The following CEMIP variants were observed in gnomAD, a reference collection of about 807,000 sequenced individuals.
CEMIP encodes the protein cell migration-inducing and hyaluronan-binding protein.
CEMIP carries 105 observed loss-of-function variants against 156.9 expected under a neutral mutation model. The ratio of observed to expected loss-of-function variants is 0.67; its 90% CI spans 0.57 to 0.79. The LOEUF (loss-of-function observed/expected upper bound fraction) is 0.79. CEMIP is among the 30% of genes least tolerant of loss of function. The pLI is 0.00. For synonymous variants in CEMIP, 676 were observed against 668.4 expected (o/e 1.01, Z -0.17); for missense variants, 1,457 against 1,769.4 (o/e 0.82, Z 3.17).
At chr15:80,881,500 G>A (rs1898657743) in intron 6 of CEMIP, among the ~76,000 whole-genome samples, 1 of 152,108 alleles carries the variant, frequency 6.6e-6, no homozygotes, top group African/African-American at 2.4e-5. Flanking sequence ...GAAGGGTGAG[G>A]ATATGTCAGG....
chr15:80,812,251 A>G (rs1398069012), intron 1 of CEMIP, among the ~76,000 whole-genome samples: 1 of 152,198 alleles, frequency 6.6e-6, no homozygotes, highest in African/African-American at 2.4e-5. Context: ...CTGCAATGTT[A>G]TAATTACCTG....
intron 1 of CEMIP, among the ~76,000 whole-genome samples, chr15:80,785,442 C>T (rs1895908452): frequency 6.6e-6 from 1 of 152,208 alleles, no homozygotes; most frequent in Non-Finnish European, 1.5e-5. Flanking sequence ...CACCCACCGC[C>T]ACAATCGGAA....
Position 80,859,119 on chromosome 15 carries a change from C to T in CEMIP, c.-175-14419C>T, listed in dbSNP as rs373594774. On this transcript the variant is annotated intron_variant, in intron 1 of 29. Coordinates refer to ENST00000394685, the MANE Select transcript of CEMIP (RefSeq NM_001293298.2). ...TTGGGTCAACTGAACATCCCTGCAC[C>T]AATCACAGCAGCCAGGGGAATGGAT... is the stretch of plus-strand genomic sequence containing the variant. Among the ~76,000 whole-genome samples, 4 of 152,334 alleles carry T rather than the reference C, an allele frequency of 2.6e-5. No homozygotes were observed. The East Asian group carries it at 7.7e-4, about 29-fold the overall frequency.
In CEMIP at chr15:80,929,122, ATCTGGGGC is replaced by A; in HGVS notation, c.2561_2568del (p.Ile854ThrfsTer7). The A allele has an allele frequency of 6.2e-7, 1 of 1,614,168 alleles. No homozygotes were observed. Among genetic ancestry groups the A allele is most frequent in the Non-Finnish European group, 8.5e-7 (1 of 1,180,024 alleles). ...GGGGACGGAAATGATGGACAATAGG[ATCTGGGGC>A]CCTGGCGGCTTGGACCATAGCGGAA... On this transcript the variant is annotated frameshift_variant, in exon 21 of 30. Transcript: ENST00000394685. LOFTEE classifies it high-confidence loss of function.
chr15:80,900,938 G>A (rs1020916356), intron 12 of CEMIP: 5 of 455,664 alleles, frequency 1.1e-5, no homozygotes, highest in Non-Finnish European at 2.2e-5. Flanking sequence ...CATTCTACAG[G>A]ACTGTTTGCA....
At chr15:80,877,452 C>A (rs988443329) in intron 3 of CEMIP, among the ~76,000 whole-genome samples, 10 of 152,206 alleles carry the variant, frequency 6.6e-5, no homozygotes, top group Non-Finnish European at 1.5e-4. Context: ...CCTCCTCACC[C>A]CCAACCCGGG....
At position 80,947,043 on chromosome 15, in the gene CEMIP, A is replaced by G. The variant is rs142881133; in HGVS notation, c.3936A>G (p.Ala1312=). ...PWTRVLEKLG[A]DRGLKLKEQM... ...CCAGAGTGCTGGAAAAGCTTGGGGC[A>G]GACAGGGGTCTCAAGTTGAAAGGTA... Residue 1312 remains alanine (A), a synonymous_variant, in exon 29 of 30, where the codon GCA becomes GCG. Coordinates refer to ENST00000394685, the MANE Select transcript of CEMIP (RefSeq NM_001293298.2). 2.5e-6 allele frequency: 4 copies of G among 1,613,612 alleles called. No homozygotes were observed. The African/African-American group carries it at 5.3e-5, about 22-fold the overall frequency.
intron 1 of CEMIP, among the ~76,000 whole-genome samples, chr15:80,835,536 T>A (rs1438855632): frequency 2.0e-5 from 3 of 152,264 alleles, no homozygotes; most frequent in African/African-American, 7.2e-5. Flanking sequence ...TCTGCTTTTC[T>A]GGCTCAAAGA....
intron 1 of CEMIP, among the ~76,000 whole-genome samples, chr15:80,786,556 C>CTGTGTGTGTGTGTGTGTGTGTG: frequency 7.1e-6 from 1 of 140,720 alleles, no homozygotes; most frequent in South Asian, 2.4e-4. Flanking sequence ...GGATGTCTTG[C>CTGTGTGTGTGTGTGTGTGTGTG]TGTGTGTGTG....
intron 14 of CEMIP, among the ~76,000 whole-genome samples, chr15:80,918,879 T>C (rs1900369398): frequency 2.0e-5 from 3 of 151,902 alleles, no homozygotes; most frequent in Admixed American, 2.0e-4. Flanking sequence ...AAGACCTGAG[T>C]TCTGAGATTG....
At chr15:80,800,982 G>A (rs1328726390) in intron 1 of CEMIP, among the ~76,000 whole-genome samples, 1 of 152,154 alleles carries the variant, frequency 6.6e-6, no homozygotes, top group Non-Finnish European at 1.5e-5. Flanking sequence ...TTCTGTTTTA[G>A]ACTCTAGCAA....
At chr15:80,792,324 C>CTTTCT (rs1896101639) in intron 1 of CEMIP, among the ~76,000 whole-genome samples, 1 of 152,184 alleles carries the variant, frequency 6.6e-6, no homozygotes, top group African/African-American at 2.4e-5. Context: ...CACCAGTTTG[C>CTTTCT]ATGCTGTCTA....
Position 80,878,863 on chromosome 15 carries a change from G to C in CEMIP, c.237G>C (p.Glu79Asp). 1 of 1,614,174 alleles carries C rather than the reference G, an allele frequency of 6.2e-7. No individual in the cohort carries two copies. Among genetic ancestry groups the C allele is most frequent in the East Asian group, 2.2e-5 (1 of 44,890 alleles). The change falls in exon 4 of 30, where the codon GAG (glutamate) becomes GAC (aspartate). Residue 79 changes from glutamate to aspartate, a missense_variant. Glu to Asp is a conservative substitution (Grantham distance 45, BLOSUM62 2). Around this residue, in one of 5 missense-constraint regions of CEMIP, gnomAD observed 309 missense variants for 340.8 expected, o/e 0.91. Transcript: ENST00000394685. ...SATVYSIHIS[E>D]GGKLVIKDHD... ...CGGTCTATTCCATCCACATCTCAGA[G>C]GGAGGTAAGCCAATCTCTCTCTGCT...
At chr15:80,890,926 G>T (rs1260910731) in intron 10 of CEMIP, among the ~76,000 whole-genome samples, 1 of 152,184 alleles carries the variant, frequency 6.6e-6, no homozygotes, top group Non-Finnish European at 1.5e-5. Context: ...TATTGAGAAG[G>T]ATTTACCCAG....
In CEMIP at chr15:80,932,038, C is replaced by A; in HGVS notation, c.2792C>A (p.Pro931Gln). The change falls in exon 22 of 30, where the codon CCG becomes CAG. Residue 931 changes from proline to glutamine, a missense_variant and splice_region_variant. Physicochemically the swap from Pro to Gln is moderately conservative, Grantham distance 76. Coordinates refer to ENST00000394685, the MANE Select transcript of CEMIP (RefSeq NM_001293298.2). This position sits in a 1 kb window ranked among gnomAD's most constrained non-coding sequence, Gnocchi z 4.5. ...ACCGGCATTGCCTTTGAGGACGTTC[C>A]GGTGAGTGAGGCGCCAGGGCAGACT... Reference protein sequence around the residue: ...NVTGIAFEDVPITSRVFFGEP... With the variant: ...NVTGIAFEDVQITSRVFFGEP... 1 of 1,613,184 alleles carries A rather than the reference C, an allele frequency of 6.2e-7. No individual in the cohort carries two copies. Among genetic ancestry groups the A allele is most frequent in the Non-Finnish European group, 8.5e-7 (1 of 1,180,026 alleles).
intron 1 of CEMIP, among the ~76,000 whole-genome samples, chr15:80,839,603 T>C (rs1897346398): frequency 6.6e-6 from 1 of 151,742 alleles, no homozygotes; most frequent in African/African-American, 2.4e-5. Context: ...GGCAACACTG[T>C]GCTTGCCTTT....
intron 29 of CEMIP, chr15:80,948,455 T>C: frequency 1.6e-5 from 6 of 375,532 alleles, no homozygotes; most frequent in South Asian, 1.3e-4. Flanking sequence ...AGGGACTTGC[T>C]GGTTGTCCTA....
At chr15:80,871,810 A>G (rs1333602209) in intron 1 of CEMIP, among the ~76,000 whole-genome samples, 1 of 152,010 alleles carries the variant, frequency 6.6e-6, no homozygotes, top group Admixed American at 6.5e-5. Flanking sequence ...CTTCTTTTCT[A>G]TTGCAAGGAG....
intron 1 of CEMIP, among the ~76,000 whole-genome samples, chr15:80,803,048 T>C (rs1217122374): frequency 6.6e-6 from 1 of 152,210 alleles, no homozygotes; most frequent in Non-Finnish European, 1.5e-5. Context: ...GGTTGGGCTC[T>C]GGAGGGCTCC....
Sources: gnomAD v4.1 joint callset for allele counts (sites outside exome capture counted in the v4.1 genomes callset) on GRCh38, gnomAD v4.1.1 for gene constraint, gnomAD v4.1.1 regional missense constraint, Gnocchi (gnomAD v3.1) non-coding constraint, MANE v1.5 for transcripts, NCBI Gene and HGNC (gene_info 2026-07-23, HGNC 2026-07-21) for gene names.